The following TM2D1 variants were observed in gnomAD, a reference collection of about 807,000 sequenced individuals.
TM2D1 encodes the protein TM2 domain-containing protein 1.
Under a neutral mutation model 28.4 loss-of-function variants are expected in TM2D1, and 15 were observed. That is an observed-to-expected ratio of 0.53 (90% CI 0.35 to 0.81). TM2D1 has a LOEUF of 0.81. TM2D1 is among the 40% of genes least tolerant of loss of function. TM2D1 has a pLI of 0.01. For missense variants in TM2D1, 236 were observed against 254.9 expected, an observed-to-expected ratio of 0.93 and a Z score of 0.50; for synonymous variants, 93 against 96.2, an observed-to-expected ratio of 0.97 and a Z score of 0.20.
chr1:61,713,880 A>AT (rs1644497425), intron 2 of TM2D1, among the ~76,000 whole-genome samples: 2 of 126,014 alleles, frequency 1.6e-5, no homozygotes, highest in African/African-American at 3.0e-5. Context: ...AAAACCAAAT[A>AT]TTTCTTTTTT....
In TM2D1 at chr1:61,688,583, C is replaced by T. The variant is rs543947610; in HGVS notation, c.514-5037G>A. Among the ~76,000 whole-genome samples the T allele has an allele frequency of 2.3e-4, 35 of 152,186 alleles. No homozygotes were observed. In the South Asian group the frequency reaches 6.2e-3, roughly 27 times the overall value. ...ACTAAAAATACAAAAATCAGCTGGG[C>T]GCGGTGGCACATGCCTGTAGTCCCA... On this transcript the variant is annotated intron_variant, in intron 5 of 6. Coordinates refer to ENST00000606498, the MANE Select transcript of TM2D1 (RefSeq NM_032027.3).
In TM2D1 at chr1:61,725,014, A is replaced by G. The variant is rs760623748; in HGVS notation, c.107T>C (p.Val36Ala). The G allele has an allele frequency of 1.2e-5, 20 of 1,611,012 alleles. No homozygotes were observed. The East Asian group carries it at 4.2e-4, about 34-fold the overall frequency. The change falls in exon 1 of 7, where the codon GTT (valine) becomes GCT (alanine). Residue 36 changes from valine (V) to alanine (A), a missense_variant. Around this residue, in one of 3 missense-constraint regions of TM2D1, gnomAD observed 167 missense variants for 162.7 expected, o/e 1.03. Transcript: ENST00000606498. ...CTCCTCGCCCCCGGCGGAGGTGGCA[A>G]CAGCCCCCCAGGGTCCTGTAGTGAC... Reference protein sequence around the residue: ...VSVTTGPWGAVATSAGGEESL... With the variant: ...VSVTTGPWGAAATSAGGEESL...
chr1:61,685,242 A>T (rs1382077431), intron 5 of TM2D1, among the ~76,000 whole-genome samples: 1 of 152,208 alleles, frequency 6.6e-6, no homozygotes, highest in Non-Finnish European at 1.5e-5. Flanking sequence ...ATCTTTTTTA[A>T]GTAGGTGATA....
chr1:61,683,017 T>C (rs1386211941), intron 6 of TM2D1, among the ~76,000 whole-genome samples: 3 of 152,072 alleles, frequency 2.0e-5, no homozygotes, highest in Admixed American at 6.5e-5. Flanking sequence ...TCTTTCAGTA[T>C]CTATTTTCAG....
chr1:61,693,065 T>C (rs1434374026), intron 5 of TM2D1, among the ~76,000 whole-genome samples: 2 of 151,854 alleles, frequency 1.3e-5, no homozygotes, highest in Admixed American at 6.6e-5. Flanking sequence ...GGGGAAACCT[T>C]GTCTCTTCAG....
chr1:61,708,058 A>T (rs1337101376), intron 3 of TM2D1, among the ~76,000 whole-genome samples: 2 of 152,186 alleles, frequency 1.3e-5, no homozygotes, highest in African/African-American at 4.8e-5. Context: ...AGTCCTTTTT[A>T]AAAAATGTTT....
chr1:61,685,282 T>C (rs1056723737), intron 5 of TM2D1, among the ~76,000 whole-genome samples: 2 of 152,222 alleles, frequency 1.3e-5, no homozygotes, highest in African/African-American at 4.8e-5. Context: ...TATATTCTGT[T>C]GGATACATTT....
At chr1:61,724,866 G>T in intron 1 of TM2D1, 91 bp downstream of exon 1, 2 of 1,367,384 alleles carry the variant, frequency 1.5e-6, no homozygotes, top group Non-Finnish European at 9.8e-7. Flanking sequence ...TTTTCACTCA[G>T]TACAGCCCTA....
intron 3 of TM2D1, 43 bp from the exon 4 acceptor site, chr1:61,701,068 C>A (rs763319022): frequency 2.7e-6 from 4 of 1,483,580 alleles, no homozygotes; most frequent in Admixed American, 2.0e-5. Context: ...CCAATGTGAA[C>A]ATTTTAGAAA....
intron 4 of TM2D1, chr1:61,698,500 G>T (rs2148045866): frequency 6.6e-6 from 1 of 151,604 alleles, no homozygotes; most frequent in South Asian, 2.1e-4. Flanking sequence ...AGAGGTTGCG[G>T]TGAGCCAAGA....
At chr1:61,712,658 G>A (rs191575933) in intron 2 of TM2D1, among the ~76,000 whole-genome samples, 21 of 152,096 alleles carry the variant, frequency 1.4e-4, no homozygotes, top group African/African-American at 4.6e-4. Flanking sequence ...TAATTCACCC[G>A]CCTCAGTCTC....
chr1:61,724,864 C>T (rs1644593555), intron 1 of TM2D1, 93 bp downstream of exon 1: 1 of 1,310,780 alleles, frequency 7.6e-7, no homozygotes, highest in Non-Finnish European at 1.0e-6. Context: ...CGTTTTCACT[C>T]AGTACAGCCC....
chr1:61,691,453 C>T (rs1358967422), intron 5 of TM2D1, among the ~76,000 whole-genome samples: 1 of 143,338 alleles, frequency 7.0e-6, no homozygotes, highest in Non-Finnish European at 1.5e-5. Context: ...TGAGATCACA[C>T]CATTGCACTC....
At chr1:61,697,083 A>C (rs746696865) in intron 4 of TM2D1, among the ~76,000 whole-genome samples, 2 of 152,180 alleles carry the variant, frequency 1.3e-5, no homozygotes, top group Non-Finnish European at 2.9e-5. Context: ...GTGTTCATGA[A>C]GTATTTTTAT....
Position 61,701,020 on chromosome 1 carries a change from C to T in TM2D1, c.353G>A (p.Gly118Asp), listed in dbSNP as rs1441676375. The T allele has an allele frequency of 2.5e-6, 4 of 1,604,980 alleles. No individual in the cohort carries two copies. The East Asian group carries it at 9.0e-5, about 36-fold the overall frequency. The part of the protein sequence containing the change: ...FKPISCRNVN[G>D]YSYKVAVALS... The stretch of plus-strand genomic sequence containing the variant: ...TGCGACTGCCACTTTGTAGGAATAG[C>T]CATTTCTGCAAAAAATTAAAATCTG... The change falls in exon 4 of 7, where the codon GGC becomes GAC. Residue 118 changes from glycine (G) to aspartate (D), a missense_variant. This residue lies in a region of TM2D1 where 167 missense variants were observed against 162.7 expected (regional missense o/e 1.03). Coordinates refer to ENST00000606498, the MANE Select transcript of TM2D1 (RefSeq NM_032027.3).
chr1:61,713,346 C>T (rs965696953), intron 2 of TM2D1, among the ~76,000 whole-genome samples: 1 of 151,820 alleles, frequency 6.6e-6, no homozygotes, highest in Non-Finnish European at 1.5e-5. Flanking sequence ...GGCGTGGTGA[C>T]ATGTGCCTGT....
Position 61,716,572 on chromosome 1 carries a change from T to C in TM2D1, c.239-7135A>G, listed in dbSNP as rs543518986. Among the ~76,000 whole-genome samples, 6 of 142,724 alleles carry C rather than the reference T, an allele frequency of 4.2e-5. No individual in the cohort carries two copies. The South Asian group carries it at 1.3e-3, about 31-fold the overall frequency. The allele number at this position is 142,724 out of a possible 152,430, so 93.6% of individuals were successfully genotyped here. ...ATATGTATATAATTTTATATATGTATATAATTTTATATATATATATACACA... is the reference window on the plus strand; with the variant it reads ...ATATGTATATAATTTTATATATGTACATAATTTTATATATATATATACACA... On this transcript the variant is annotated intron_variant, in intron 2 of 6. Coordinates refer to ENST00000606498, the MANE Select transcript of TM2D1 (RefSeq NM_032027.3).
intron 3 of TM2D1, among the ~76,000 whole-genome samples, chr1:61,707,365 A>C (rs1444354897): frequency 2.0e-5 from 3 of 152,210 alleles, no homozygotes; most frequent in Non-Finnish European, 2.9e-5. Context: ...CTTGGAAATT[A>C]AGTAACAGAC....
At chr1:61,716,441 TTA>T (rs1322083161) in intron 2 of TM2D1, among the ~76,000 whole-genome samples, 2 of 145,094 alleles carry the variant, frequency 1.4e-5, no homozygotes, top group African/African-American at 5.0e-5. Flanking sequence ...AAGTGTATAA[TTA>T]TATATAATTT....
Sources: allele counts gnomAD v4.1 joint callset (sites outside exome capture counted in the v4.1 genomes callset), GRCh38; gene constraint gnomAD v4.1.1; regional missense constraint gnomAD v4.1.1; transcripts MANE v1.5; gene names NCBI Gene and HGNC (gene_info 2026-07-23, HGNC 2026-07-21).